Variants in ERVFRD-1 observed in about 807,000 individuals in gnomAD.
ERVFRD-1 encodes endogenous retrovirus group FRD member 1, envelope.
Under a neutral mutation model 43.8 loss-of-function variants are expected in ERVFRD-1, and 33 were observed. The ratio of observed to expected loss-of-function variants is 0.75; its 90% CI spans 0.57 to 1.01. The LOEUF (loss-of-function observed/expected upper bound fraction) is 1.01. Among genes scored for constraint, ERVFRD-1 ranks in the 50% least tolerant of loss-of-function variants. ERVFRD-1 has a pLI of 0.00. For synonymous variants in ERVFRD-1, 239 were observed against 244.4 expected, an observed-to-expected ratio of 0.98 and a Z score of 0.21; for missense variants, 568 against 658.4, an observed-to-expected ratio of 0.86 and a Z score of 1.50.
intron 1 of ERVFRD-1, among the ~76,000 whole-genome samples, chr6:11,105,884 A>G (rs1023895063): frequency 1.3e-5 from 2 of 152,180 alleles, no homozygotes; most frequent in African/African-American, 2.4e-5. Context: ...GAATATAGGA[A>G]TGGCCTACCA....
rs1248578423 is a variant in ERVFRD-1 at position 11,104,273 on chromosome 6, G to A, written c.1038C>T (p.Pro346=). ...PIPIYGNSPL[P]RVRRAIHFIP... ...TGAAATGGATTGCCCTCCTCACCCT[G>A]GGCAACGGGGAATTCCCATAGATTG... Residue 346 remains proline (P), a synonymous_variant, in exon 2 of 2, where the codon CCC becomes CCT. Transcript: ENST00000472091. 6.4e-7 allele frequency: 1 copy of A among 1,551,716 alleles called. No individual in the cohort carries two copies. The highest frequency in any genetic ancestry group is 1.7e-4 in the Middle Eastern group (1 of 5,992).
rs1010983487 is a variant in ERVFRD-1, at chr6:11,102,654, T to G, written c.*1040A>C. The G allele has an allele frequency of 2.0e-5, 3 of 152,166 alleles. No homozygotes were observed. The highest frequency in any genetic ancestry group is 2.9e-5 in the Non-Finnish European group (2 of 68,040). The allele number at this position is 152,166 out of a possible 1,614,324, so 9.4% of individuals were successfully genotyped here. ...TTGGTTAAAGTTGAAAGGACCTAGT[T>G]AGAGGTTAGATGGTGGTTTCTAATT... On this transcript the variant is annotated 3_prime_UTR_variant, in exon 2 of 2. Transcript: ENST00000472091.
chr6:11,105,462 G>C lies in ERVFRD-1; in HGVS notation c.-152C>G, dbSNP rs1183587496. Reference sequence around the variant, plus strand: ...CTTACTTTGAGGTGAAAGGATGTTGGTGGGGCATTACTTATCTTTTTGTTT... The same window carrying C: ...CTTACTTTGAGGTGAAAGGATGTTGCTGGGGCATTACTTATCTTTTTGTTT... On this transcript the variant is annotated 5_prime_UTR_variant, in exon 2 of 2. Coordinates refer to ENST00000472091, the MANE Select transcript of ERVFRD-1 (RefSeq NM_207582.3). 3.2e-6 allele frequency: 2 copies of C among 618,940 alleles called. No individual in the cohort carries two copies. Among genetic ancestry groups the C allele is most frequent in the Non-Finnish European group, 5.8e-6 (2 of 347,528 alleles). The allele number at this position is 618,940 out of a possible 1,614,324, so 38.3% of individuals were successfully genotyped here. A position where few individuals can be genotyped will look rare whatever the true frequency, so the allele number is the denominator to read the frequency against.
Position 11,103,632 on chromosome 6 carries a change from G to A in ERVFRD-1, c.*62C>T, listed in dbSNP as rs1758032032. 4.1e-6 allele frequency: 6 copies of A among 1,479,360 alleles called. No individual in the cohort carries two copies. Among genetic ancestry groups the A allele is most frequent in the Non-Finnish European group, 5.4e-6 (6 of 1,114,028 alleles). The allele number at this position is 1,479,360 out of a possible 1,614,324, so 91.6% of individuals were successfully genotyped here. On this transcript the variant is annotated 3_prime_UTR_variant, in exon 2 of 2. Coordinates refer to ENST00000472091, the MANE Select transcript of ERVFRD-1 (RefSeq NM_207582.3). ...AAAAACCATATCCAGCCAGGTCCAC[G>A]GGAGACGGGGCAGGATTTCGCCTCT...
In ERVFRD-1 at chr6:11,105,388, T is replaced by G; in HGVS notation, c.-78A>C. On this transcript the variant is annotated 5_prime_UTR_variant, in exon 2 of 2. Coordinates refer to ENST00000472091, the MANE Select transcript of ERVFRD-1 (RefSeq NM_207582.3). ...GGTGTACAAGTTAGGGTTAAAATAGTGATAACAATCAGAGCAATTGCCAGT... is the reference window on the plus strand; with the variant it reads ...GGTGTACAAGTTAGGGTTAAAATAGGGATAACAATCAGAGCAATTGCCAGT... 9.0e-7 allele frequency: 1 copy of G among 1,106,828 alleles called. No homozygotes were observed. The highest frequency in any genetic ancestry group is 1.6e-5 in the South Asian group (1 of 64,032). The allele number at this position is 1,106,828 out of a possible 1,614,324, so 68.6% of individuals were successfully genotyped here. A position where few individuals can be genotyped will look rare whatever the true frequency, so the allele number is the denominator to read the frequency against.
In ERVFRD-1 at chr6:11,104,215, C is replaced by T. The variant is rs1174006575; in HGVS notation, c.1096G>A (p.Gly366Ser). Reference protein sequence around the residue: ...PLLAGLGILAGTGTGIAGITK... With the variant: ...PLLAGLGILASTGTGIAGITK... Reference sequence around the variant, plus strand: ...ATTCCAGCAATTCCGGTTCCCGTACCAGCTAGAATGCCGAGTCCCGCGAGA... The same window carrying T: ...ATTCCAGCAATTCCGGTTCCCGTACTAGCTAGAATGCCGAGTCCCGCGAGA... Residue 366 changes from glycine to serine, a missense_variant, in exon 2 of 2, where the codon GGT becomes AGT. Physicochemically the swap from Gly to Ser is moderately conservative, Grantham distance 56. Coordinates refer to ENST00000472091, the MANE Select transcript of ERVFRD-1 (RefSeq NM_207582.3). 6.4e-7 allele frequency: 1 copy of T among 1,551,638 alleles called. No individual in the cohort carries two copies. Among genetic ancestry groups the T allele is most frequent in the Admixed American group, 2.0e-5 (1 of 51,000 alleles).
chr6:11,107,276 C>T (rs1273612492), intron 1 of ERVFRD-1, among the ~76,000 whole-genome samples: 3 of 152,176 alleles, frequency 2.0e-5, no homozygotes, highest in Non-Finnish European at 4.4e-5. Context: ...TCAACTGTTA[C>T]CTATGGGTTT....
At chr6:11,109,329 C>G (rs965041413) in intron 1 of ERVFRD-1, among the ~76,000 whole-genome samples, 1 of 152,158 alleles carries the variant, frequency 6.6e-6, no homozygotes. Context: ...AGTCTGGACT[C>G]CAGTGGGTCC....
In ERVFRD-1 at chr6:11,104,234, C is replaced by T. The variant is rs746075494; in HGVS notation, c.1077G>A (p.Ala359=). ...CCGTACCAGCTAGAATGCCGAGTCC[C>T]GCGAGAAGGGGAATGAAATGGATTG... ...RRAIHFIPLL[A]GLGILAGTGT... The change falls in exon 2 of 2, where the codon GCG becomes GCA. Residue 359 remains alanine, a synonymous_variant. Transcript: ENST00000472091. 36 of 1,551,530 alleles carry T rather than the reference C, an allele frequency of 2.3e-5. No homozygotes were observed. In the South Asian group the frequency reaches 2.6e-4, roughly 11 times the overall value.
At position 11,105,487 on chromosome 6, in the gene ERVFRD-1, T is replaced by C. The variant is rs1176897923; in HGVS notation, c.-177A>G. On this transcript the variant is annotated 5_prime_UTR_variant, in exon 2 of 2. Transcript: ENST00000472091. Reference sequence around the variant, plus strand: ...GTGGGGCATTACTTATCTTTTTGTTTAAAGAGGAATTTTAGATCTTCCAGT... The same window carrying C: ...GTGGGGCATTACTTATCTTTTTGTTCAAAGAGGAATTTTAGATCTTCCAGT... 2 of 589,950 alleles carry C rather than the reference T, an allele frequency of 3.4e-6. No individual in the cohort carries two copies. Among genetic ancestry groups the C allele is most frequent in the South Asian group, 4.6e-5 (2 of 43,124 alleles). 36.5% of individuals were successfully genotyped at this position (589,950 alleles called of 1,614,324 possible).
In ERVFRD-1 at chr6:11,105,476, A is replaced by G; in HGVS notation, c.-166T>C. On this transcript the variant is annotated 5_prime_UTR_variant, in exon 2 of 2. Transcript: ENST00000472091. ...AAAGGATGTTGGTGGGGCATTACTT[A>G]TCTTTTTGTTTAAAGAGGAATTTTA... 3 of 600,376 alleles carry G rather than the reference A, an allele frequency of 5.0e-6. No homozygotes were observed. The highest frequency in any genetic ancestry group is 9.0e-6 in the Non-Finnish European group (3 of 334,358). The allele number at this position is 600,376 out of a possible 1,614,324, so 37.2% of individuals were successfully genotyped here. A position where few individuals can be genotyped will look rare whatever the true frequency, so the allele number is the denominator to read the frequency against.
In ERVFRD-1 at chr6:11,111,718, C is replaced by T. The variant is rs1297757820; in HGVS notation, c.-362G>A. 1 of 152,228 alleles carries T rather than the reference C, an allele frequency of 6.6e-6. No homozygotes were observed. Among genetic ancestry groups the T allele is most frequent in the Non-Finnish European group, 1.5e-5 (1 of 68,072 alleles). 9.4% of individuals were successfully genotyped at this position (152,228 alleles called of 1,614,324 possible). A position where few individuals can be genotyped will look rare whatever the true frequency, so the allele number is the denominator to read the frequency against. ...CGAGTCACTGCACCATTTGAGAGAT[C>T]CAAGTGCCCTGTTCAGCCCTTGACT... On this transcript the variant is annotated 5_prime_UTR_variant, in exon 1 of 2. Coordinates refer to ENST00000472091, the MANE Select transcript of ERVFRD-1 (RefSeq NM_207582.3).
rs1468177686 is a variant in ERVFRD-1 at position 11,103,982 on chromosome 6, AT to A, written c.1328del (p.Asn443IlefsTer14). ...TGTTGTCTTGTACTTTTCCTGATTG[AT>A]TTACCCAAAAGCAACATTTTTCATC... ...ALDEKCCFWVNQSGKVQDNIR... is the reference protein window; with the variant it reads ...ALDEKCCFWVXQSGKVQDNIR... On this transcript the variant is annotated frameshift_variant, in exon 2 of 2. Transcript: ENST00000472091. LOFTEE classifies it high-confidence loss of function. 6.4e-7 allele frequency: 1 copy of A among 1,551,504 alleles called. No homozygotes were observed.
In ERVFRD-1 at chr6:11,104,551, C is replaced by T. The variant is rs772643136; in HGVS notation, c.760G>A (p.Val254Ile). 25 of 1,594,664 alleles carry T rather than the reference C, an allele frequency of 1.6e-5. No individual in the cohort carries two copies. The highest frequency in any genetic ancestry group is 1.1e-4 in the South Asian group (10 of 89,094). Reference sequence around the variant, plus strand: ...ATAGTCATGCCTGCTAAGACTTGGACGCAGGGTGTTTGGCTCTGGTTAGCT... The same window carrying T: ...ATAGTCATGCCTGCTAAGACTTGGATGCAGGGTGTTTGGCTCTGGTTAGCT... ...KGANQSQTPC[V>I]QVLAGMTIAT... The change falls in exon 2 of 2, where the codon GTC (valine) becomes ATC (isoleucine). Residue 254 changes from valine (V) to isoleucine (I), a missense_variant. Physicochemically the swap from Val to Ile is conservative, Grantham distance 29. Coordinates refer to ENST00000472091, the MANE Select transcript of ERVFRD-1 (RefSeq NM_207582.3).
chr6:11,108,083 C>A (rs1758113307), intron 1 of ERVFRD-1, among the ~76,000 whole-genome samples: 2 of 152,118 alleles, frequency 1.3e-5, no homozygotes, highest in South Asian at 4.1e-4. Context: ...GTTAACTGAG[C>A]CCCTAGTCTG....
chr6:11,109,215 G>A (rs995409609), intron 1 of ERVFRD-1, among the ~76,000 whole-genome samples: 1 of 152,212 alleles, frequency 6.6e-6, no homozygotes, highest in Non-Finnish European at 1.5e-5. Context: ...GGTGAGTTCA[G>A]ATGTTAAGCC....
Position 11,109,580 on chromosome 6 carries a change from G to A in ERVFRD-1, c.-321+2097C>T, listed in dbSNP as rs75862140. On this transcript the variant is annotated intron_variant, in intron 1 of 1. Coordinates refer to ENST00000472091, the MANE Select transcript of ERVFRD-1 (RefSeq NM_207582.3). Reference sequence around the variant, plus strand: ...AACAAAGGTCAGGGTTGTTTCTTAGGGCCATGAAGGCCAGCACATAGGGGA... The same window carrying A: ...AACAAAGGTCAGGGTTGTTTCTTAGAGCCATGAAGGCCAGCACATAGGGGA... Among the ~76,000 whole-genome samples, 895 of 152,240 alleles carry A rather than the reference G, an allele frequency of 5.9e-3. 3 individuals are homozygous for A. The highest frequency in any genetic ancestry group is 0.024 in the South Asian group (116 of 4,820).
At position 11,105,134 on chromosome 6, in the gene ERVFRD-1, T is replaced by C; in HGVS notation, c.177A>G (p.Pro59=). 6.2e-7 allele frequency: 1 copy of C among 1,614,236 alleles called. No homozygotes were observed. Among genetic ancestry groups the C allele is most frequent in the Non-Finnish European group, 8.5e-7 (1 of 1,180,050 alleles). ...SSTETPGTAY[P]ASPREWTSIE... The stretch of plus-strand genomic sequence containing the variant: ...TGCTTGTCCATTCTCTGGGCGAGGC[T>C]GGATAAGCTGTCCCTGGTGTTTCAG... Residue 59 remains proline, a synonymous_variant, in exon 2 of 2, where the codon CCA becomes CCG. Coordinates refer to ENST00000472091, the MANE Select transcript of ERVFRD-1 (RefSeq NM_207582.3).
At position 11,104,782 on chromosome 6, in the gene ERVFRD-1, T is replaced by G. The variant is rs748861093; in HGVS notation, c.529A>C (p.Asn177His). The change falls in exon 2 of 2, where the codon AAT becomes CAT. Residue 177 changes from asparagine (N) to histidine (H), a missense_variant. Physicochemically the swap from Asn to His is moderately conservative, Grantham distance 68. Coordinates refer to ENST00000472091, the MANE Select transcript of ERVFRD-1 (RefSeq NM_207582.3). ...RHQPRFPKPP[N>H]ITFPQGTLLD... ...AAAGTTCCCTGAGGAAAAGTAATATTTGGAGGTTTGGGGAATCTTGGTTGA... is the reference window on the plus strand; with the variant it reads ...AAAGTTCCCTGAGGAAAAGTAATATGTGGAGGTTTGGGGAATCTTGGTTGA... 3.7e-6 allele frequency: 6 copies of G among 1,614,006 alleles called. No homozygotes were observed. Among genetic ancestry groups the G allele is most frequent in the African/African-American group, 1.3e-5 (1 of 74,918 alleles).
Sources: gnomAD v4.1 joint callset for allele counts (sites outside exome capture counted in the v4.1 genomes callset) on GRCh38, gnomAD v4.1.1 for gene constraint, MANE v1.5 for transcripts, NCBI Gene and HGNC (gene_info 2026-07-23, HGNC 2026-07-21) for gene names.